The following SLC12A8 variants were observed in gnomAD, a reference collection of about 807,000 sequenced individuals.
SLC12A8 encodes cation-chloride cotransporter 9.
Under a neutral mutation model 75.6 loss-of-function variants are expected in SLC12A8, and 69 were observed. The ratio of observed to expected loss-of-function variants is 0.91; its 90% CI spans 0.75 to 1.11. SLC12A8 has a LOEUF of 1.11. Among genes scored for constraint, SLC12A8 ranks in the 50% most tolerant of loss-of-function variants. The pLI is 0.00. For synonymous variants in SLC12A8, 365 were observed against 372.8 expected, an observed-to-expected ratio of 0.98 and a Z score of 0.24; for missense variants, 877 against 896.7, an observed-to-expected ratio of 0.98 and a Z score of 0.28.
At position 125,089,244 on chromosome 3, in the gene SLC12A8, A is replaced by G. The variant is rs1203709828; in HGVS notation, c.1922-874T>C. Among the ~76,000 whole-genome samples, 4 of 152,308 alleles carry G rather than the reference A, an allele frequency of 2.6e-5. No homozygotes were observed. In the East Asian group the frequency reaches 7.7e-4, roughly 29 times the overall value. ...CATTTAGGCCCTTATGGCTAAAGGG[A>G]AGATAAATTTTAGATCTGCATTTGC... On this transcript the variant is annotated intron_variant, in intron 12 of 13. Transcript: ENST00000469902.
chr3:125,097,776 AT>A (rs1028837753), intron 10 of SLC12A8, among the ~76,000 whole-genome samples: 7 of 151,906 alleles, frequency 4.6e-5, no homozygotes, highest in Non-Finnish European at 7.4e-5. Context: ...GACTAGAGGA[AT>A]TTTTTTTCTT....
In SLC12A8 at chr3:125,099,146, A is replaced by AGCAGAGCCTTAAGGGCTAT. The variant is rs572779034; in HGVS notation, c.1706-6967_1706-6949dup. Among the ~76,000 whole-genome samples the AGCAGAGCCTTAAGGGCTAT allele has an allele frequency of 1.2e-3, 185 of 152,254 alleles. 1 individual carries two copies. In the Middle Eastern group the frequency reaches 0.017, roughly 14 times the overall value. ...GTGACACACAGATCCACTGGCAGAG[A>AGCAGAGCCTTAAGGGCTAT]GCAGAGCCTTAAGGGCTATGCAGAG... On this transcript the variant is annotated intron_variant, in intron 10 of 13. Coordinates refer to ENST00000469902, the MANE Select transcript of SLC12A8 (RefSeq NM_024628.6).
chr3:125,191,783 G>T (rs910419313), intron 2 of SLC12A8, among the ~76,000 whole-genome samples: 10 of 152,154 alleles, frequency 6.6e-5, no homozygotes, highest in Non-Finnish European at 1.2e-4. Context: ...TCAAGAAGGG[G>T]CCTCGAGAAA....
intron 4 of SLC12A8, among the ~76,000 whole-genome samples, chr3:125,182,980 A>C (rs892792558): frequency 3.3e-5 from 5 of 152,210 alleles, no homozygotes; most frequent in Non-Finnish European, 5.9e-5. Flanking sequence ...AATGAATATC[A>C]TTATGTAACT....
intron 2 of SLC12A8, among the ~76,000 whole-genome samples, chr3:125,201,235 C>T (rs1935113928): frequency 6.6e-6 from 1 of 152,022 alleles, no homozygotes; most frequent in African/African-American, 2.4e-5. Flanking sequence ...GAGACCCCAT[C>T]TCTACAAAAA....
chr3:125,148,969 CG>C (rs59309540), intron 5 of SLC12A8, among the ~76,000 whole-genome samples: 30,786 of 151,984 alleles, frequency 0.2, 3,903 homozygotes, highest in African/African-American at 0.36. Flanking sequence ...AAACCAGCAG[CG>C]GGGGGGCACA....
intron 5 of SLC12A8, among the ~76,000 whole-genome samples, chr3:125,152,371 T>C (rs373451873): frequency 1.2e-4 from 18 of 152,350 alleles, no homozygotes; most frequent in African/African-American, 4.1e-4. Flanking sequence ...AAAATGGTGC[T>C]CATTCGGTCA....
intron 5 of SLC12A8, among the ~76,000 whole-genome samples, chr3:125,156,507 T>A (rs1199835221): frequency 1.3e-5 from 2 of 152,200 alleles, no homozygotes; most frequent in Admixed American, 6.5e-5. Flanking sequence ...AGACAAAAAA[T>A]CAATCAAAGT....
intron 5 of SLC12A8, among the ~76,000 whole-genome samples, chr3:125,161,629 A>T (rs190194269): frequency 6.6e-6 from 1 of 150,892 alleles, no homozygotes; most frequent in Non-Finnish European, 1.5e-5. Context: ...AATTTTACTC[A>T]CTTACATCTG....
intron 1 of SLC12A8, among the ~76,000 whole-genome samples, chr3:125,212,209 G>A (rs1017865880): frequency 6.6e-6 from 1 of 152,070 alleles, no homozygotes; most frequent in South Asian, 2.1e-4. Context: ...AGCACTGAGT[G>A]GGGGGTTGGG....
At chr3:125,197,734 T>C (rs77831694) in intron 2 of SLC12A8, among the ~76,000 whole-genome samples, 5,560 of 152,316 alleles carry the variant, frequency 0.037, 159 homozygotes, top group Admixed American at 0.076. Context: ...GTATCACTCC[T>C]GTGTGGGAGC....
At chr3:125,106,352 G>GTTTTTTTTT (rs113822511) in intron 10 of SLC12A8, among the ~76,000 whole-genome samples, 1 of 149,652 alleles carries the variant, frequency 6.7e-6, no homozygotes, top group Non-Finnish European at 1.5e-5. Flanking sequence ...GGTTTTTGGG[G>GTTTTTTTTT]TTTTTTGTTG....
intron 1 of SLC12A8, 92 bp downstream of exon 1, chr3:125,212,608 G>C (rs964583576): frequency 6.5e-6 from 1 of 152,690 alleles, no homozygotes; most frequent in African/African-American, 2.4e-5. Context: ...TGGGGGCAAA[G>C]GTGACCCCAG....
intron 7 of SLC12A8, among the ~76,000 whole-genome samples, chr3:125,120,344 G>A (rs1933023786): frequency 1.3e-5 from 2 of 152,072 alleles, no homozygotes; most frequent in African/African-American, 4.8e-5. Context: ...GGAAAGGAAA[G>A]AAAGGATTCG....
chr3:125,102,230 G>C (rs534486129), intron 10 of SLC12A8, among the ~76,000 whole-genome samples: 61 of 152,318 alleles, frequency 4.0e-4, no homozygotes, highest in African/African-American at 1.4e-3. Context: ...TTTCCAGATG[G>C]AGAAGGGGGA....
rs1191642552 is a variant in SLC12A8 at position 125,143,805 on chromosome 3, C to T, written c.623-8023G>A. Among the ~76,000 whole-genome samples, 3 of 152,170 alleles carry T rather than the reference C, an allele frequency of 2.0e-5. No homozygotes were observed. The South Asian group carries it at 6.2e-4, about 32-fold the overall frequency. The stretch of plus-strand genomic sequence containing the variant: ...CCAGACTGGGGGATGTCAGGGCAGC[C>T]TCCCTGGCCTGGGAGGGAAGGGGCT... On this transcript the variant is annotated intron_variant, in intron 5 of 13. Transcript: ENST00000469902.
intron 5 of SLC12A8, among the ~76,000 whole-genome samples, chr3:125,172,808 G>A (rs1037211443): frequency 8.5e-5 from 13 of 152,088 alleles, no homozygotes; most frequent in African/African-American, 1.4e-4. Context: ...GAATTGTTTC[G>A]TTGTTTATAT....
chr3:125,175,132 T>A lies in SLC12A8; in HGVS notation c.622+2611A>T, dbSNP rs577222361. ...GCTCTAAAAGTGAATTAATTTTTTT[T>A]AAAAAAGTAACACTGGTCATTTGAA... On this transcript the variant is annotated intron_variant, in intron 5 of 13. Coordinates refer to ENST00000469902, the MANE Select transcript of SLC12A8 (RefSeq NM_024628.6). 4.9e-4 allele frequency among the ~76,000 whole-genome samples: 74 copies of A among 152,288 alleles called. No individual in the cohort carries two copies. In the South Asian group the frequency reaches 0.011, roughly 23 times the overall value.
At chr3:125,181,702 A>T (rs1374504090) in intron 4 of SLC12A8, among the ~76,000 whole-genome samples, 2 of 151,288 alleles carry the variant, frequency 1.3e-5, no homozygotes, top group Admixed American at 1.3e-4. Context: ...AGAGAGAAGT[A>T]TTTTATATAA....
Sources: gnomAD v4.1 joint callset for allele counts (sites outside exome capture counted in the v4.1 genomes callset) on GRCh38, gnomAD v4.1.1 for gene constraint, MANE v1.5 for transcripts, NCBI Gene and HGNC (gene_info 2026-07-23, HGNC 2026-07-21) for gene names.